SLC4A5: variants seen among roughly 807,000 people sequenced by gnomAD.
The protein encoded by SLC4A5 is solute carrier family 4 member 5.
Under a neutral mutation model 120.4 loss-of-function variants are expected in SLC4A5, and 96 were observed. The observed-to-expected ratio is 0.80, with a 90% CI of 0.68 to 0.94. The LOEUF is 0.94. Among genes scored for constraint, SLC4A5 ranks in the 40% least tolerant of loss-of-function variants. SLC4A5 has a pLI of 0.00. For missense variants in SLC4A5, 1,259 were observed against 1,459.5 expected, an observed-to-expected ratio of 0.86 and a Z score of 2.24; for synonymous variants, 550 against 571.1, an observed-to-expected ratio of 0.96 and a Z score of 0.53.
Position 74,235,226 on chromosome 2 carries a change from A to G in SLC4A5, c.2320-12T>C, listed in dbSNP as rs1670232518. On this transcript the variant is annotated splice_polypyrimidine_tract_variant and intron_variant, in intron 21 of 30. Transcript: ENST00000394019. ...ACCAGGGCCCGGACCTGCAGACAGG[A>G]GATGAGCAAGTAAAAGAAGTGAGTA... 1.9e-6 allele frequency: 3 copies of G among 1,607,918 alleles called. No individual in the cohort carries two copies. In the East Asian group the frequency reaches 6.7e-5, roughly 36 times the overall value.
At chr2:74,232,335 T>A in intron 24 of SLC4A5, 134 bp downstream of exon 24, 1 of 1,029,150 alleles carries the variant, frequency 9.7e-7, no homozygotes, top group African/African-American at 1.6e-5. Context: ...ATAGCACTCC[T>A]GTCCCTGTGG....
intron 2 of SLC4A5, chr2:74,339,189 A>AATGAGGAT (rs1673567989): frequency 6.6e-6 from 1 of 152,234 alleles, no homozygotes; most frequent in Non-Finnish European, 1.5e-5. Flanking sequence ...TTTTAAATAG[A>AATGAGGAT]ATGAGGATAT....
At chr2:74,284,921 C>G (rs1671934208) in intron 8 of SLC4A5, among the ~76,000 whole-genome samples, 1 of 152,172 alleles carries the variant, frequency 6.6e-6, no homozygotes, top group African/African-American at 2.4e-5. Flanking sequence ...GGATTTTTCC[C>G]ACCATTCAGA....
intron 15 of SLC4A5, 68 bp downstream of exon 15, chr2:74,252,906 G>A: frequency 6.4e-7 from 1 of 1,557,926 alleles, no homozygotes; most frequent in Non-Finnish European, 8.8e-7. Flanking sequence ...ATTTTAAAGA[G>A]AAATAAAATG....
chr2:74,281,818 T>C (rs574012044), intron 8 of SLC4A5, among the ~76,000 whole-genome samples: 12 of 152,352 alleles, frequency 7.9e-5, no homozygotes, highest in African/African-American at 2.4e-4. Flanking sequence ...AAACACTCCC[T>C]GCAGCAAATT....
chr2:74,221,292 C>T, intron 30 of SLC4A5, 142 bp downstream of exon 30: 1 of 580,386 alleles, frequency 1.7e-6, no homozygotes, highest in Non-Finnish European at 3.1e-6. Flanking sequence ...TCAGGTTTGT[C>T]AGCCTTTGAC....
chr2:74,316,944 C>T (rs1420756546), intron 5 of SLC4A5, among the ~76,000 whole-genome samples: 1 of 152,220 alleles, frequency 6.6e-6, no homozygotes, highest in African/African-American at 2.4e-5. Flanking sequence ...CGTATAATGC[C>T]TAATGTAATA....
chr2:74,336,937 C>CT, intron 3 of SLC4A5, among the ~76,000 whole-genome samples: 1 of 152,140 alleles, frequency 6.6e-6, no homozygotes, highest in African/African-American at 2.4e-5. Flanking sequence ...GGTAAGGAGC[C>CT]TCTTTCCTTA....
intron 7 of SLC4A5, among the ~76,000 whole-genome samples, chr2:74,292,109 T>A (rs1451715891): frequency 6.6e-6 from 1 of 152,182 alleles, no homozygotes; most frequent in Non-Finnish European, 1.5e-5. Flanking sequence ...GCGGTAATAA[T>A]CACGCCCCCC....
At chr2:74,221,084 C>T (rs1320919262) in intron 30 of SLC4A5, among the ~76,000 whole-genome samples, 1 of 152,118 alleles carries the variant, frequency 6.6e-6, no homozygotes, top group Non-Finnish European at 1.5e-5. Flanking sequence ...ACCTCGTGAT[C>T]CACCCGCCTT....
At chr2:74,285,783 C>G in exon 8 of SLC4A5, 1 of 1,611,058 alleles carries the variant, frequency 6.2e-7, no homozygotes, top group Non-Finnish European at 8.5e-7. Flanking sequence ...CTGGCTGACT[C>G]CTTCCACTCC....
At chr2:74,275,823 T>C (rs532395384) in intron 8 of SLC4A5, among the ~76,000 whole-genome samples, 2 of 152,330 alleles carry the variant, frequency 1.3e-5, no homozygotes, top group East Asian at 3.9e-4. Flanking sequence ...GACTATTTCA[T>C]TGTACAGGTG....
At chr2:74,285,789 A>G in exon 8 of SLC4A5, 1 of 1,611,062 alleles carries the variant, frequency 6.2e-7, no homozygotes, top group Non-Finnish European at 8.5e-7. Flanking sequence ...GACTCCTTCC[A>G]CTCCATCTGG....
At chr2:74,294,680 A>ATT (rs11326076) in intron 7 of SLC4A5, among the ~76,000 whole-genome samples, 6,229 of 140,098 alleles carry the variant, frequency 0.044, 351 homozygotes, top group African/African-American at 0.13. Context: ...AGTTTTTTGG[A>ATT]TTTTTTTTTT....
intron 6 of SLC4A5, among the ~76,000 whole-genome samples, chr2:74,310,346 C>G (rs1021869767): frequency 3.3e-5 from 5 of 152,120 alleles, no homozygotes; most frequent in Non-Finnish European, 7.4e-5. Context: ...TTGAAAAGGG[C>G]TGGTGAAAGG....
chr2:74,224,702 G>T, intron 28 of SLC4A5, 138 bp downstream of exon 28: 1 of 1,218,172 alleles, frequency 8.2e-7, no homozygotes, highest in Non-Finnish European at 1.1e-6. Flanking sequence ...AAGACAAGCA[G>T]ATGCCCCAGC....
intron 1 of SLC4A5, among the ~76,000 whole-genome samples, chr2:74,342,906 C>A (rs3755442): frequency 1.3e-5 from 2 of 151,968 alleles, no homozygotes; most frequent in Non-Finnish European, 2.9e-5. Flanking sequence ...CCTTATTGAA[C>A]TGGAAGAAGT....
chr2:74,341,338 G>A (rs1673620581), intron 2 of SLC4A5, among the ~76,000 whole-genome samples: 1 of 149,222 alleles, frequency 6.7e-6, no homozygotes, highest in Non-Finnish European at 1.5e-5. Context: ...AAATGTAAAA[G>A]AGCAGTAAGA....
intron 5 of SLC4A5, among the ~76,000 whole-genome samples, chr2:74,323,740 AG>A (rs1270939098): frequency 1.3e-5 from 2 of 152,262 alleles, no homozygotes; most frequent in Non-Finnish European, 2.9e-5. Context: ...TGTAATCATG[AG>A]TATAAACACT....
Sources: allele counts gnomAD v4.1 joint callset (sites outside exome capture counted in the v4.1 genomes callset), GRCh38; gene constraint gnomAD v4.1.1; transcripts MANE v1.5; gene names NCBI Gene and HGNC (gene_info 2026-07-23, HGNC 2026-07-21).